The following SIRT2 variants were observed in gnomAD, a reference collection of about 807,000 sequenced individuals.
SIRT2 encodes the protein sirtuin 2.
SIRT2 carries 40 observed loss-of-function variants against 57.4 expected under a neutral mutation model. That is an observed-to-expected ratio of 0.70 (90% CI 0.54 to 0.91). The LOEUF (loss-of-function observed/expected upper bound fraction) is 0.91, where lower values mean the gene tolerates loss of function less well. Ranked by LOEUF, SIRT2 falls within the 40% of genes least tolerant of loss-of-function variation. The pLI is 0.00. For synonymous variants in SIRT2, 161 were observed against 195.7 expected, an observed-to-expected ratio of 0.82 and a Z score of 1.48; for missense variants, 439 against 510.4, an observed-to-expected ratio of 0.86 and a Z score of 1.35.
chr19:38,883,601 G>A (rs201438304), intron 9 of SIRT2, 26 bp downstream of exon 9: 338 of 1,608,656 alleles, frequency 2.1e-4, no homozygotes, highest in Middle Eastern at 3.5e-4. Context: ...GAGGAGGCCT[G>A]CCCTCAGGAT....
chr19:38,882,722 C>A (rs1973194954), intron 9 of SIRT2, among the ~76,000 whole-genome samples: 1 of 151,888 alleles, frequency 6.6e-6, no homozygotes, highest in Non-Finnish European at 1.5e-5. Context: ...TCCATTCATT[C>A]ATTCAGCACA....
At chr19:38,892,257 G>A (rs1161548822) in intron 4 of SIRT2, among the ~76,000 whole-genome samples, 3 of 152,096 alleles carry the variant, frequency 2.0e-5, no homozygotes, top group Admixed American at 6.5e-5. Flanking sequence ...TTAGCCAGTC[G>A]TGGTGGTGTG....
chr19:38,897,599 T>C (rs1296286326), intron 2 of SIRT2, among the ~76,000 whole-genome samples: 2 of 152,150 alleles, frequency 1.3e-5, no homozygotes, highest in Middle Eastern at 3.4e-3. Flanking sequence ...CAAGGCACAC[T>C]ACGGCCTTAA....
chr19:38,885,615 G>A (rs1254730235), intron 8 of SIRT2, among the ~76,000 whole-genome samples: 15 of 135,634 alleles, frequency 1.1e-4, no homozygotes, highest in South Asian at 2.4e-4. Flanking sequence ...TTTTTGAGAC[G>A]GAGTCTTGCT....
chr19:38,881,046 C>T, intron 11 of SIRT2, 54 bp downstream of exon 11: 1 of 1,588,890 alleles, frequency 6.3e-7, no homozygotes, highest in East Asian at 2.2e-5. Flanking sequence ...CCATGGGGCC[C>T]AGCACAGGTG....
chr19:38,899,522 G>A lies in SIRT2; in HGVS notation c.-1C>T. On this transcript the variant is annotated 5_prime_UTR_variant, in exon 1 of 16. Transcript: ENST00000249396. ...CCGACTCACGGTCTGGCTCTGCCAT[G>A]GGCGCGGTGCTGAAGCCCTTGAGGC... is the stretch of plus-strand genomic sequence containing the variant. 1 of 1,613,742 alleles carries A rather than the reference G, an allele frequency of 6.2e-7. No individual in the cohort carries two copies. Among genetic ancestry groups the A allele is most frequent in the Non-Finnish European group, 8.5e-7 (1 of 1,179,982 alleles).
chr19:38,895,986 C>T (rs1455359091), intron 2 of SIRT2, among the ~76,000 whole-genome samples: 1 of 152,038 alleles, frequency 6.6e-6, no homozygotes, highest in South Asian at 2.1e-4. Context: ...GCAGGAGAAT[C>T]GCTTGAACCT....
Position 38,893,545 on chromosome 19 carries a change from A to G in SIRT2, c.113-18T>C, listed in dbSNP as rs200884944. 143 of 1,555,866 alleles carry G rather than the reference A, an allele frequency of 9.2e-5. No individual in the cohort carries two copies. In the African/African-American group the frequency reaches 1.6e-3, roughly 18 times the overall value. ...GAAGTCCACTGACCGGAAAGAAGAG[A>G]GACAGCGGCAGGACGGGCATTCAGC... On this transcript the variant is annotated intron_variant, in intron 3 of 15. Transcript: ENST00000249396.
intron 2 of SIRT2, among the ~76,000 whole-genome samples, chr19:38,895,041 C>A (rs544408577): frequency 3.3e-5 from 5 of 151,274 alleles, no homozygotes; most frequent in African/African-American, 1.2e-4. Flanking sequence ...CTGTCCCCCC[C>A]ATCAGCCAGA....
intron 4 of SIRT2, among the ~76,000 whole-genome samples, chr19:38,892,616 C>G (rs1973576940): frequency 6.6e-6 from 1 of 152,114 alleles, no homozygotes; most frequent in South Asian, 2.1e-4. Flanking sequence ...CTGTGTTGCC[C>G]AGGCTGCAGT....
Position 38,878,986 on chromosome 19 carries a change from G to T in SIRT2, c.*169C>A. 1 of 625,592 alleles carries T rather than the reference G, an allele frequency of 1.6e-6. No individual in the cohort carries two copies. Among genetic ancestry groups the T allele is most frequent in the East Asian group, 3.1e-5 (1 of 32,658 alleles). The allele number at this position is 625,592 out of a possible 1,614,324, so 38.8% of individuals were successfully genotyped here. On this transcript the variant is annotated 3_prime_UTR_variant, in exon 16 of 16. Transcript: ENST00000249396. Reference sequence around the variant, plus strand: ...TCTAGGAGGTGTTAGAGATTTGCTGGGGTTGGGGGCCAGGGTTGCTGGGAC... The same window carrying T: ...TCTAGGAGGTGTTAGAGATTTGCTGTGGTTGGGGGCCAGGGTTGCTGGGAC...
chr19:38,889,148 A>G lies in SIRT2; in HGVS notation c.440T>C (p.Ile147Thr), dbSNP rs772516388. 7.4e-6 allele frequency: 12 copies of G among 1,612,918 alleles called. No individual in the cohort carries two copies. In the African/African-American group the frequency reaches 1.3e-4, roughly 18 times the overall value. The change falls in exon 8 of 16, where the codon ATC (isoleucine) becomes ACC (threonine). Residue 147 changes from isoleucine (I) to threonine (T), a missense_variant. Coordinates refer to ENST00000249396, the MANE Select transcript of SIRT2 (RefSeq NM_012237.4). Reference sequence around the variant, plus strand: ...CAGCAGGCGCATGAAGTAGTGACAGATGGTTGGCTGCAGGGAAGAGCGACA... The same window carrying G: ...CAGCAGGCGCATGAAGTAGTGACAGGTGGTTGGCTGCAGGGAAGAGCGACA... ...ELYPGQFKPT[I>T]CHYFMRLLKD...
In SIRT2 at chr19:38,889,025, C is replaced by T. The variant is rs774575678; in HGVS notation, c.501+62G>A. The stretch of plus-strand genomic sequence containing the variant: ...TTGGGCACGCAGCTCTGCTCCTCTG[C>T]TGAGGACACCATGCCCGTTCCACCC... On this transcript the variant is annotated intron_variant, in intron 8 of 15. Coordinates refer to ENST00000249396, the MANE Select transcript of SIRT2 (RefSeq NM_012237.4). 1.4e-5 allele frequency: 21 copies of T among 1,496,776 alleles called. No homozygotes were observed. In the Admixed American group the frequency reaches 3.5e-4, roughly 25 times the overall value. 92.7% of individuals were successfully genotyped at this position (1,496,776 alleles called of 1,614,324 possible).
chr19:38,888,690 A>T (rs1348259414), intron 8 of SIRT2, among the ~76,000 whole-genome samples: 1 of 152,178 alleles, frequency 6.6e-6, no homozygotes, highest in Non-Finnish European at 1.5e-5. Flanking sequence ...TAGTGTATGG[A>T]TTTTGTTAGA....
chr19:38,898,248 G>T (rs937327571), intron 2 of SIRT2, 131 bp downstream of exon 2: 7 of 523,560 alleles, frequency 1.3e-5, no homozygotes, highest in Admixed American at 7.9e-5. Context: ...AGCTGCACTG[G>T]GTGGTGTGAG....
chr19:38,889,365 G>A, intron 7 of SIRT2: 1 of 716,678 alleles, frequency 1.4e-6, no homozygotes, highest in Non-Finnish European at 2.6e-6. Context: ...AAGTCACACG[G>A]TGGGTAAGCT....
At chr19:38,891,225 A>T (rs1973523383) in intron 4 of SIRT2, among the ~76,000 whole-genome samples, 1 of 152,224 alleles carries the variant, frequency 6.6e-6, no homozygotes, top group African/African-American at 2.4e-5. Context: ...GTGCCTGGCA[A>T]ATAGTGAAGC....
In SIRT2 at chr19:38,878,878, T is replaced by G; in HGVS notation, c.*277A>C. On this transcript the variant is annotated 3_prime_UTR_variant, in exon 16 of 16. Transcript: ENST00000249396. ...GGTAGCCCTGGCCCCGTGGGGGCAG[T>G]TAGAGATGAGGGAGGTTACTCCTTA... is the stretch of plus-strand genomic sequence containing the variant. 2.8e-6 allele frequency: 1 copy of G among 362,718 alleles called. No homozygotes were observed. The highest frequency in any genetic ancestry group is 4.7e-5 in the East Asian group (1 of 21,488). The allele number at this position is 362,718 out of a possible 1,614,324, so 22.5% of individuals were successfully genotyped here. A position where few individuals can be genotyped will look rare whatever the true frequency, so the allele number is the denominator to read the frequency against.
At chr19:38,890,273 G>C in intron 4 of SIRT2, 129 bp from the exon 5 acceptor site, 3 of 847,308 alleles carry the variant, frequency 3.5e-6, no homozygotes, top group Non-Finnish European at 5.8e-6. Context: ...GATGCATGAC[G>C]GGCCTTCCAA....
Sources: allele counts gnomAD v4.1 joint callset (sites outside exome capture counted in the v4.1 genomes callset), GRCh38; gene constraint gnomAD v4.1.1; transcripts MANE v1.5; gene names NCBI Gene and HGNC (gene_info 2026-07-23, HGNC 2026-07-21).